Variants in KIF26B observed in about 807,000 individuals in gnomAD.
The protein encoded by KIF26B is kinesin-like protein KIF26B.
A neutral mutation model predicts 151.2 loss-of-function variants in KIF26B; 63 were observed. The observed-to-expected ratio is 0.42, with a 90% CI of 0.34 to 0.51. KIF26B has a LOEUF of 0.51. Among genes scored for constraint, KIF26B ranks in the 20% least tolerant of loss-of-function variants. The probability of loss-of-function intolerance (pLI) is 0.07; values close to 1 mark genes in which losing one functional copy is unlikely to be tolerated. For synonymous variants in KIF26B, 1,357 were observed against 1,262.1 expected (o/e 1.08, Z -1.59); for missense variants, 2,813 against 2,913.6 (o/e 0.97, Z 0.79).
chr1:245,517,128 G>T (rs1006918779), intron 4 of KIF26B, among the ~76,000 whole-genome samples: 1 of 152,186 alleles, frequency 6.6e-6, no homozygotes, highest in African/African-American at 2.4e-5. Context: ...CCGCCAAGGC[G>T]GGCAGATCAC....
chr1:245,163,064 G>C (rs184598195), intron 2 of KIF26B, among the ~76,000 whole-genome samples: 1 of 151,968 alleles, frequency 6.6e-6, no homozygotes, highest in South Asian at 2.1e-4. Context: ...ACTTCTTCTT[G>C]TGAAAAAAAG....
At chr1:245,524,305 A>G (rs1572105528) in intron 4 of KIF26B, among the ~76,000 whole-genome samples, 2 of 152,346 alleles carry the variant, frequency 1.3e-5, no homozygotes, top group East Asian at 3.9e-4. Context: ...TGAGGTAGTT[A>G]CCGTTATTTT....
At chr1:245,451,585 CTTTTTTTTTTTTTTTTT>C (rs58192966) in intron 4 of KIF26B, among the ~76,000 whole-genome samples, 5 of 58,740 alleles carry the variant, frequency 8.5e-5, no homozygotes, top group Admixed American at 2.2e-4. Flanking sequence ...GAAGATCTAT[CTTTTTTTTTTTTTTTTT>C]TTTTTTTTTT....
chr1:245,694,663 G>A (rs2044667745), intron 12 of KIF26B, among the ~76,000 whole-genome samples: 1 of 152,160 alleles, frequency 6.6e-6, no homozygotes, highest in Admixed American at 6.5e-5. Flanking sequence ...ATGGGCCAGC[G>A]ACCCCTCTGA....
Position 245,475,445 on chromosome 1 carries a change from TG to T in KIF26B, c.1166+55705del, listed in dbSNP as rs1292792445. ...TAGACATTCTGAGGCGGGTCCTGGTTGGGGGTCAGAAGGTCATTGGATAGGC... is the reference window on the plus strand; with the variant it reads ...TAGACATTCTGAGGCGGGTCCTGGTTGGGGTCAGAAGGTCATTGGATAGGC... On this transcript the variant is annotated intron_variant, in intron 4 of 14. Transcript: ENST00000407071. Among the ~76,000 whole-genome samples, 4 of 151,590 alleles carry T rather than the reference TG, an allele frequency of 2.6e-5. No individual in the cohort carries two copies. The East Asian group carries it at 7.7e-4, about 29-fold the overall frequency.
At chr1:245,308,295 A>G (rs1307288984) in intron 2 of KIF26B, among the ~76,000 whole-genome samples, 1 of 152,156 alleles carries the variant, frequency 6.6e-6, no homozygotes, top group Non-Finnish European at 1.5e-5. Flanking sequence ...GACGCCTGGA[A>G]CATTTTTTAC....
chr1:245,323,689 A>T (rs1055543540), intron 2 of KIF26B, among the ~76,000 whole-genome samples: 1 of 152,236 alleles, frequency 6.6e-6, no homozygotes, highest in African/African-American at 2.4e-5. Flanking sequence ...TCTCAAAGGT[A>T]CCACCTGTTC....
intron 2 of KIF26B, among the ~76,000 whole-genome samples, chr1:245,250,180 TC>T (rs2103564655): frequency 6.6e-6 from 1 of 152,292 alleles, no homozygotes; most frequent in African/African-American, 2.4e-5. Flanking sequence ...ACTTTCTTTT[TC>T]CTTAGAGATA....
rs565568005 is a variant in KIF26B, at chr1:245,554,931, G to A, written c.1350+13981G>A. ...CTGGAGAGAATTCCCCTGAATGTATGTGATGAGGAAGTTGGGCTTTTCCTC... is the reference window on the plus strand; with the variant it reads ...CTGGAGAGAATTCCCCTGAATGTATATGATGAGGAAGTTGGGCTTTTCCTC... On this transcript the variant is annotated intron_variant, in intron 5 of 14. Coordinates refer to ENST00000407071, the MANE Select transcript of KIF26B (RefSeq NM_018012.4). Among the ~76,000 whole-genome samples, 34 of 152,336 alleles carry A rather than the reference G, an allele frequency of 2.2e-4. No individual in the cohort carries two copies. The South Asian group carries it at 7.0e-3, about 32-fold the overall frequency.
At chr1:245,175,152 T>C (rs1668780971) in intron 2 of KIF26B, among the ~76,000 whole-genome samples, 1 of 152,158 alleles carries the variant, frequency 6.6e-6, no homozygotes, top group South Asian at 2.1e-4. Flanking sequence ...CATTAGATGG[T>C]ACAGTAACTG....
intron 10 of KIF26B, among the ~76,000 whole-genome samples, chr1:245,683,435 G>A (rs2044465540): frequency 6.6e-6 from 1 of 152,114 alleles, no homozygotes; most frequent in African/African-American, 2.4e-5. Context: ...AAAAATGCTG[G>A]GACGAGTACA....
intron 3 of KIF26B, among the ~76,000 whole-genome samples, chr1:245,382,930 G>A (rs1673446321): frequency 6.7e-6 from 1 of 148,920 alleles, no homozygotes; most frequent in Admixed American, 6.7e-5. Context: ...ATTTTTATGT[G>A]TGTCACAATT....
chr1:245,663,834 G>T (rs1190726046), intron 10 of KIF26B, among the ~76,000 whole-genome samples: 1 of 152,108 alleles, frequency 6.6e-6, no homozygotes, highest in Non-Finnish European at 1.5e-5. Context: ...ATACCTACAA[G>T]GGACAATTAT....
chr1:245,246,071 G>A (rs1022564742), intron 2 of KIF26B, among the ~76,000 whole-genome samples: 3 of 148,338 alleles, frequency 2.0e-5, no homozygotes, highest in African/African-American at 5.0e-5. Context: ...CAGCCTGGGC[G>A]ACAGAGCGAG....
At chr1:245,476,266 G>A (rs989442137) in intron 4 of KIF26B, among the ~76,000 whole-genome samples, 2 of 151,768 alleles carry the variant, frequency 1.3e-5, no homozygotes, top group Non-Finnish European at 3.0e-5. Context: ...TGAGTGAGAC[G>A]AGGAGTGAGT....
At position 245,684,351 on chromosome 1, in the gene KIF26B, C is replaced by T; in HGVS notation, c.2377C>T (p.Gln793Ter). 2.5e-6 allele frequency: 4 copies of T among 1,613,720 alleles called. No homozygotes were observed. Among genetic ancestry groups the T allele is most frequent in the Non-Finnish European group, 3.4e-6 (4 of 1,179,764 alleles). ...CTACGCGGAGACCCTGTCCACCATC[C>T]AGATTGCATCGAGAGTCTTGAGGAT... ...GSYAETLSTI[Q>*]IASRVLRMKK... The change falls in exon 11 of 15, where the codon CAG becomes TAG. Residue 793 changes from glutamine to a stop codon, truncating the protein, a stop_gained. Transcript: ENST00000407071. LOFTEE classifies it high-confidence loss of function.
Position 245,686,807 on chromosome 1 carries a change from G to A in KIF26B, c.3824G>A (p.Arg1275His), listed in dbSNP as rs766387413. 1.9e-6 allele frequency: 3 copies of A among 1,613,530 alleles called. No individual in the cohort carries two copies. The highest frequency in any genetic ancestry group is 1.7e-5 in the Admixed American group (1 of 60,002). Reference sequence around the variant, plus strand: ...AAGGCCCAGGACGCAGGGAGCAGACGCTCTTCCATCAGCTCCTGGCTGAGC... The same window carrying A: ...AAGGCCCAGGACGCAGGGAGCAGACACTCTTCCATCAGCTCCTGGCTGAGC... ...DEKAQDAGSR[R>H]SSISSWLSEM... Residue 1275 changes from arginine to histidine, a missense_variant, in exon 12 of 15, where the codon CGC (arginine) becomes CAC (histidine). Arg to His is a conservative substitution (Grantham distance 29). Transcript: ENST00000407071. This position sits in a 1 kb window ranked among gnomAD's most constrained non-coding sequence, Gnocchi z 5.6.
chr1:245,615,782 G>A (rs558897180), intron 9 of KIF26B, among the ~76,000 whole-genome samples: 6 of 152,336 alleles, frequency 3.9e-5, no homozygotes, highest in African/African-American at 7.2e-5. Flanking sequence ...CTTCCCTCCC[G>A]AGGGGAAAGG....
In KIF26B at chr1:245,667,709, G is replaced by T. The variant is rs890662270; in HGVS notation, c.2259-16524G>T. The stretch of plus-strand genomic sequence containing the variant: ...CCATCCTACGCAGTTCTCCAGGAAG[G>T]AGGTGGCAGGAGTGACATTTGGGCC... On this transcript the variant is annotated intron_variant, in intron 10 of 14. Transcript: ENST00000407071. This position sits in a 1 kb window ranked among gnomAD's most constrained non-coding sequence, Gnocchi z 4.3. 6.6e-6 allele frequency among the ~76,000 whole-genome samples: 1 copy of T among 152,176 alleles called. No individual in the cohort carries two copies. The highest frequency in any genetic ancestry group is 1.5e-5 in the Non-Finnish European group (1 of 68,034).
Sources: allele counts gnomAD v4.1 joint callset (sites outside exome capture counted in the v4.1 genomes callset), GRCh38; gene constraint gnomAD v4.1.1; non-coding constraint Gnocchi (gnomAD v3.1); transcripts MANE v1.5; gene names NCBI Gene and HGNC (gene_info 2026-07-23, HGNC 2026-07-21).